MAOB: variants seen among roughly 807,000 people sequenced by gnomAD.
The protein encoded by MAOB is monoamine oxidase B.
In MAOB, 15 loss-of-function variants were observed where a neutral mutation model predicts 41.9. That is an observed-to-expected ratio of 0.36 (90% CI 0.24 to 0.55). The LOEUF (loss-of-function observed/expected upper bound fraction) is 0.55. MAOB is among the 20% of genes least tolerant of loss of function. The pLI is 0.86. For missense variants in MAOB, 345 were observed against 398.7 expected (o/e 0.87, Z 1.15); for synonymous variants, 167 against 144.2 (o/e 1.16, Z -1.13).
chrX:43,769,312 G>T lies in MAOB; in HGVS notation c.1342C>A (p.Arg448=). The change falls in exon 13 of 15, where the codon CGA becomes AGA. Residue 448 remains arginine (R), a synonymous_variant. Coordinates refer to ENST00000378069, the MANE Select transcript of MAOB (RefSeq NM_000898.5). The part of the protein sequence containing the change: ...GAVEAGERAA[R]EILHAMGKIP... ...TCTATGACCCCAGACCCTACCTCTCGGGCTGCTCTCTCCCCGGCCTCTACA... is the reference window on the plus strand; with the variant it reads ...TCTATGACCCCAGACCCTACCTCTCTGGCTGCTCTCTCCCCGGCCTCTACA... 8.3e-7 allele frequency: 1 copy of T among 1,204,478 alleles called. No homozygotes were observed. The highest frequency in any genetic ancestry group is 1.8e-5 in the African/African-American group (1 of 56,767).
chrX:43,780,900 TAA>T (rs1284099499), intron 9 of MAOB, among the ~76,000 whole-genome samples: 2 of 111,926 alleles, frequency 1.8e-5, no homozygotes, highest in Admixed American at 1.9e-4. Flanking sequence ...CTCTCTGAGA[TAA>T]ACTCATACAT....
intron 1 of MAOB, among the ~76,000 whole-genome samples, chrX:43,877,889 T>C (rs1377584418): frequency 1.8e-5 from 2 of 112,682 alleles, no homozygotes; most frequent in Non-Finnish European, 3.7e-5. Flanking sequence ...TGTTGCCACC[T>C]TATCTATGCT....
Position 43,769,426 on chromosome X carries a change from C to A in MAOB, c.1236-8G>T. 8.3e-7 allele frequency: 1 copy of A among 1,204,691 alleles called. No homozygotes were observed. The highest frequency in any genetic ancestry group is 1.8e-5 in the South Asian group (1 of 55,843). ...ACTGGCTGGCGTAGAACCCTTGGAA[C>A]AAAACCAAAGAGGCAAAAGTGGTCA... On this transcript the variant is annotated splice_polypyrimidine_tract_variant and splice_region_variant and intron_variant, in intron 12 of 14. Coordinates refer to ENST00000378069, the MANE Select transcript of MAOB (RefSeq NM_000898.5).
intron 5 of MAOB, 78 bp from the exon 6 acceptor site, chrX:43,797,344 A>C: frequency 6.0e-6 from 5 of 832,023 alleles, no homozygotes; most frequent in Non-Finnish European, 8.0e-6. Flanking sequence ...TATTTAAGTA[A>C]CACATTTTCT....
chrX:43,880,387 G>A, intron 1 of MAOB, among the ~76,000 whole-genome samples: 1 of 112,028 alleles, frequency 8.9e-6, no homozygotes. Flanking sequence ...CCTATTGTCT[G>A]AATAAATGGG....
At chrX:43,870,533 C>T (rs753483214) in intron 1 of MAOB, among the ~76,000 whole-genome samples, 1 of 111,162 alleles carries the variant, frequency 9.0e-6, no homozygotes. Flanking sequence ...CGGTGGCTCA[C>T]GCCTGTAATC....
intron 3 of MAOB, among the ~76,000 whole-genome samples, chrX:43,815,655 T>C (rs1029667092): frequency 8.9e-6 from 1 of 112,199 alleles, no homozygotes; most frequent in African/African-American, 3.2e-5. Context: ...ACTTGAAGCT[T>C]ACTCAGGGGC....
At chrX:43,867,323 A>G (rs1248553220) in intron 1 of MAOB, among the ~76,000 whole-genome samples, 1 of 112,310 alleles carries the variant, frequency 8.9e-6, no homozygotes, top group Admixed American at 9.4e-5. Context: ...GGGAAGCAGG[A>G]AATTGTACTA....
chrX:43,815,227 T>C (rs1156771098), intron 3 of MAOB, among the ~76,000 whole-genome samples: 3 of 112,074 alleles, frequency 2.7e-5, no homozygotes, highest in African/African-American at 9.7e-5. Flanking sequence ...CTGTGCCAAC[T>C]TTCTCACTCT....
chrX:43,779,859 T>C (rs144997350), intron 10 of MAOB, among the ~76,000 whole-genome samples: 90 of 111,620 alleles, frequency 8.1e-4, no homozygotes, highest in African/African-American at 2.7e-3. Flanking sequence ...TGAACACTAA[T>C]TGCAAGAAGA....
chrX:43,839,653 A>AT (rs2035110190), intron 2 of MAOB, among the ~76,000 whole-genome samples: 1 of 111,710 alleles, frequency 9.0e-6, no homozygotes, highest in African/African-American at 3.3e-5. Context: ...TTATTTGCGT[A>AT]TTTTTTGTCT....
intron 3 of MAOB, among the ~76,000 whole-genome samples, chrX:43,838,392 C>T (rs17244906): frequency 0.031 from 3,437 of 111,674 alleles, 123 homozygotes; most frequent in South Asian, 0.17. Flanking sequence ...GGATCTGGGA[C>T]TTGAACCACT....
At chrX:43,837,182 T>C (rs1313288177) in intron 3 of MAOB, among the ~76,000 whole-genome samples, 3 of 111,794 alleles carry the variant, frequency 2.7e-5, no homozygotes, top group African/African-American at 9.8e-5. Context: ...GAATAAGACA[T>C]AAGAAATCGG....
intron 1 of MAOB, among the ~76,000 whole-genome samples, chrX:43,846,893 A>T (rs2035208251): frequency 8.9e-6 from 1 of 112,105 alleles, no homozygotes; most frequent in South Asian, 3.7e-4. Flanking sequence ...ATCCTCTGGG[A>T]AGTATGAAAA....
intron 3 of MAOB, 26 bp from the exon 4 acceptor site, chrX:43,803,430 A>G: frequency 8.6e-7 from 1 of 1,163,483 alleles, no homozygotes; most frequent in South Asian, 2.1e-5. Context: ...TATTTTTAAA[A>G]GGAAATATTT....
chrX:43,768,435 T>C (rs913565600), intron 14 of MAOB, among the ~76,000 whole-genome samples: 6 of 111,239 alleles, frequency 5.4e-5, no homozygotes, highest in African/African-American at 2.0e-4. Context: ...TATTTTTTCC[T>C]AATAATCTGT....
At chrX:43,850,255 T>TGGA (rs2035241673) in intron 1 of MAOB, 1 of 591,493 alleles carries the variant, frequency 1.7e-6, no homozygotes, top group Non-Finnish European at 2.0e-6. Flanking sequence ...TAAAACAAAA[T>TGGA]TCTTGAAACA....
chrX:43,780,365 C>T lies in MAOB; in HGVS notation c.1056G>A (p.Leu352=). The T allele has an allele frequency of 8.3e-7, 1 of 1,204,074 alleles. No individual in the cohort carries two copies. The highest frequency in any genetic ancestry group is 1.1e-6 in the Non-Finnish European group (1 of 889,840). Residue 352 remains leucine, a synonymous_variant, in exon 10 of 15, where the codon CTG becomes CTA. Coordinates refer to ENST00000378069, the MANE Select transcript of MAOB (RefSeq NM_000898.5). ...GFILAHKARK[L]ARLTKEERLK... is the part of the protein sequence containing the mutation. ...ACCTTTCCTCTTTGGTAAGACGTGC[C>T]AGTTTTCTGGCTTTGTGGGCCAGGA...
At position 43,882,407 on chromosome X, in the gene MAOB, G is replaced by A; in HGVS notation, c.-108C>T. On this transcript the variant is annotated 5_prime_UTR_variant, in exon 1 of 15. Coordinates refer to ENST00000378069, the MANE Select transcript of MAOB (RefSeq NM_000898.5). ...CCGCCCGCCTGCCCGCCGGCCTGCT[G>A]CGCGCTGCCCCCGTGCACCAGCGCC... 1 of 1,093,749 alleles carries A rather than the reference G, an allele frequency of 9.1e-7. No individual in the cohort carries two copies. The allele number at this position is 1,093,749 out of a possible 1,213,427, so 90.1% of individuals were successfully genotyped here. A position where few individuals can be genotyped will look rare whatever the true frequency, so the allele number is the denominator to read the frequency against.
Sources: allele counts gnomAD v4.1 joint callset (sites outside exome capture counted in the v4.1 genomes callset), GRCh38; gene constraint gnomAD v4.1.1; transcripts MANE v1.5; gene names NCBI Gene and HGNC (gene_info 2026-07-23, HGNC 2026-07-21).